Variants in TRPM1 observed in about 807,000 individuals in gnomAD.
TRPM1 encodes the protein TRPM1-203 APA Isoform, Intron 10.
In TRPM1, 113 loss-of-function variants were observed where a neutral mutation model predicts 149.4. That is an observed-to-expected ratio of 0.76 (90% confidence interval 0.65 to 0.88). TRPM1 has a LOEUF of 0.88. Among genes scored for constraint, TRPM1 ranks in the 40% least tolerant of loss-of-function variants. The pLI, the probability that TRPM1 is intolerant of heterozygous loss-of-function variation, is 0.00. For synonymous variants in TRPM1, 741 were observed against 759.5 expected, an observed-to-expected ratio of 0.98 and a Z score of 0.40; for missense variants, 1,976 against 2,038.7, an observed-to-expected ratio of 0.97 and a Z score of 0.59.
intron 11 of TRPM1, among the ~76,000 whole-genome samples, chr15:31,051,571 C>G (rs570920033): frequency 6.6e-6 from 1 of 152,374 alleles, no homozygotes; most frequent in South Asian, 2.1e-4. Flanking sequence ...CACAAGCTCC[C>G]AGCTTTCCTC....
chr15:31,047,065 A>G (rs758666676), intron 15 of TRPM1, 46 bp downstream of exon 15: 3 of 1,613,120 alleles, frequency 1.9e-6, no homozygotes, highest in Non-Finnish European at 1.7e-6. Context: ...GAGGAACCAC[A>G]TGGTACTCGC....
Position 31,001,333 on chromosome 15 carries a change from CT to C in TRPM1, c.*488del, listed in dbSNP as rs547146877. The C allele has an allele frequency of 4.6e-3, 636 of 138,608 alleles. No individual in the cohort carries two copies. The highest frequency in any genetic ancestry group is 7.0e-3 in the Admixed American group (96 of 13,752). The allele number at this position is 138,608 out of a possible 1,614,324, so 8.6% of individuals were successfully genotyped here. On this transcript the variant is annotated 3_prime_UTR_variant, in exon 28 of 28. Transcript: ENST00000256552. ...TTTCTCTTTCTTACACAGTTGCTTA[CT>C]TTTTTTTTTTTTTTTAAGAGATGGG...
intron 5 of TRPM1, 38 bp downstream of exon 5, chr15:31,067,841 G>C (rs2034422887): frequency 6.3e-7 from 1 of 1,598,992 alleles, no homozygotes; most frequent in East Asian, 2.2e-5. Context: ...GTTCTGGGTG[G>C]TACATTGATT....
intron 14 of TRPM1, 136 bp downstream of exon 14, chr15:31,047,753 G>T: frequency 3.8e-6 from 3 of 790,456 alleles, no homozygotes; most frequent in South Asian, 2.8e-5. Context: ...GTTTTAAATA[G>T]ACTCTTTACG....
intron 1 of TRPM1, among the ~76,000 whole-genome samples, chr15:31,122,374 G>A (rs1159574531): frequency 1.3e-5 from 2 of 152,092 alleles, no homozygotes; most frequent in Non-Finnish European, 2.9e-5. Flanking sequence ...ATGCAAAATT[G>A]GAAAGGAAGG....
Position 31,063,302 on chromosome 15 carries a change from A to C in TRPM1, c.791-10T>G. 6.2e-7 allele frequency: 1 copy of C among 1,614,086 alleles called. No homozygotes were observed. Among genetic ancestry groups the C allele is most frequent in the Non-Finnish European group, 8.5e-7 (1 of 1,180,012 alleles). ...ACGCCCTGCCCCAGTCCTGCAACAC[A>C]AACCACATTCGCCCATACCACCTGT... On this transcript the variant is annotated splice_polypyrimidine_tract_variant and intron_variant, in intron 7 of 27. Coordinates refer to ENST00000256552, the MANE Select transcript of TRPM1 (RefSeq NM_001252024.2).
At chr15:31,025,810 A>G (rs2140898001) in intron 27 of TRPM1, among the ~76,000 whole-genome samples, 1 of 152,346 alleles carries the variant, frequency 6.6e-6, no homozygotes, top group South Asian at 2.1e-4. Context: ...GAAGTTAGGA[A>G]CAAGAGCTGG....
intron 27 of TRPM1, among the ~76,000 whole-genome samples, chr15:31,012,241 G>T (rs545738177): frequency 8.5e-5 from 13 of 152,206 alleles, no homozygotes; most frequent in African/African-American, 3.1e-4. Flanking sequence ...TTAGGTTATT[G>T]TCTTATGTCT....
chr15:31,031,208 T>C, intron 22 of TRPM1, 51 bp from the exon 23 acceptor site: 1 of 1,597,576 alleles, frequency 6.3e-7, no homozygotes. Flanking sequence ...TGGGCCAAGT[T>C]CACCCTGGCT....
At chr15:31,062,896 G>A (rs1000603719) in intron 8 of TRPM1, 194 bp from the exon 9 acceptor site, 2 of 965,746 alleles carry the variant, frequency 2.1e-6, no homozygotes, top group African/African-American at 3.2e-5. Context: ...ACTTTCTAAG[G>A]GCAAATGAAG....
chr15:31,032,961 A>G (rs1215318048), intron 21 of TRPM1, 21 bp from the exon 22 acceptor site: 2 of 1,613,972 alleles, frequency 1.2e-6, no homozygotes, highest in East Asian at 4.5e-5. Context: ...ACCCCAAAGA[A>G]CAATAAACTG....
intron 1 of TRPM1, among the ~76,000 whole-genome samples, chr15:31,147,132 T>C (rs1159178000): frequency 6.6e-6 from 1 of 152,234 alleles, no homozygotes; most frequent in East Asian, 1.9e-4. Context: ...TGCCTGATTC[T>C]AGAATTGCAA....
chr15:31,089,739 T>C (rs1183964427), intron 1 of TRPM1, among the ~76,000 whole-genome samples: 1 of 152,228 alleles, frequency 6.6e-6, no homozygotes, highest in Non-Finnish European at 1.5e-5. Context: ...TGGAGCTTGC[T>C]TTAGACTTGT....
intron 11 of TRPM1, chr15:31,060,085 A>G (rs1488118165): frequency 7.1e-6 from 2 of 280,370 alleles, no homozygotes; most frequent in Admixed American, 1.0e-4. Context: ...GGCACACCAC[A>G]TATCACATGC....
intron 3 of TRPM1, among the ~76,000 whole-genome samples, chr15:31,075,628 C>T (rs1212995920): frequency 6.6e-6 from 1 of 152,098 alleles, no homozygotes; most frequent in East Asian, 1.9e-4. Context: ...AAATCCTGCT[C>T]CTCCCAGGAA....
chr15:31,152,773 G>T (rs2036320802), intron 1 of TRPM1, among the ~76,000 whole-genome samples: 1 of 152,080 alleles, frequency 6.6e-6, no homozygotes, highest in Admixed American at 6.5e-5. Flanking sequence ...CTCCCAAGTA[G>T]CTGGGACCAC....
intron 1 of TRPM1, among the ~76,000 whole-genome samples, chr15:31,140,282 G>C (rs1229682528): frequency 1.3e-5 from 2 of 151,996 alleles, no homozygotes; most frequent in Non-Finnish European, 2.9e-5. Context: ...GGGAGGCTGA[G>C]GCATGAGAAT....
rs1463147288 is a variant in TRPM1 at position 31,066,140 on chromosome 15, A to G, written c.726T>C (p.Tyr242=). 6.2e-7 allele frequency: 1 copy of G among 1,614,204 alleles called. No individual in the cohort carries two copies. Among genetic ancestry groups the G allele is most frequent in the Non-Finnish European group, 8.5e-7 (1 of 1,180,030 alleles). The part of the protein sequence containing the change: ...ILADNGTLGK[Y]GAEVKLRRLL... ...GCCTTCGCAGCTTCACCTCGGCGCC[A>G]TACTTGCCCAGGGTGCCATTGTCAG... Residue 242 remains tyrosine (Y), a synonymous_variant, in exon 7 of 28, where the codon TAT becomes TAC. Transcript: ENST00000256552.
At chr15:31,021,002 C>T (rs1156312437) in intron 27 of TRPM1, among the ~76,000 whole-genome samples, 1 of 152,008 alleles carries the variant, frequency 6.6e-6, no homozygotes, top group Non-Finnish European at 1.5e-5. Context: ...TCTCTATCCT[C>T]CTGAAGTCTG....
Sources: allele counts gnomAD v4.1 joint callset (sites outside exome capture counted in the v4.1 genomes callset), GRCh38; gene constraint gnomAD v4.1.1; transcripts MANE v1.5; gene names NCBI Gene and HGNC (gene_info 2026-07-23, HGNC 2026-07-21).